The following MYO1E variants were observed in gnomAD, a reference collection of about 807,000 sequenced individuals.
The protein encoded by MYO1E is unconventional myosin-Ie.
MYO1E carries 68 observed loss-of-function variants against 151.1 expected under a neutral mutation model. The observed-to-expected ratio is 0.45, with a 90% CI of 0.37 to 0.55. MYO1E has a LOEUF of 0.55. Among genes scored for constraint, MYO1E ranks in the 20% least tolerant of loss-of-function variants. MYO1E has a pLI of 0.00. For missense variants in MYO1E, 1,363 were observed against 1,389.3 expected (o/e 0.98, Z 0.30); for synonymous variants, 601 against 501.7 (o/e 1.20, Z -2.64).
chr15:59,331,541 A>G (rs1009569005), intron 1 of MYO1E, among the ~76,000 whole-genome samples: 14 of 152,340 alleles, frequency 9.2e-5, no homozygotes, highest in Middle Eastern at 3.4e-3. Flanking sequence ...CTCCTCTCCT[A>G]GAGATCGCAA....
intron 23 of MYO1E, among the ~76,000 whole-genome samples, chr15:59,162,659 G>GAAAAAAAAA (rs56116339): frequency 1.2e-4 from 14 of 120,860 alleles, no homozygotes; most frequent in Non-Finnish European, 1.9e-4. Flanking sequence ...AAAAAAAAAA[G>GAAAAAAAAA]AAAAAAAAAA....
At chr15:59,210,667 T>C in intron 12 of MYO1E, 67 bp from the exon 13 acceptor site, 1 of 1,097,796 alleles carries the variant, frequency 9.1e-7, no homozygotes, top group East Asian at 2.4e-5. Context: ...GGACAGACCC[T>C]GAATGGACAA....
rs550524838 is a variant in MYO1E, at chr15:59,214,306, G to A, written c.1197C>T (p.Gly399=). ...IYGFEIFQKN[G]FEQFCINFVN... is the part of the protein sequence containing the mutation. ...CAAAATTGATACAAAACTGTTCAAA[G>A]CCATTTTTCTGGAAAAAAAAAGTTA... The change falls in exon 12 of 28, where the codon GGC becomes GGT. Residue 399 remains glycine, a synonymous_variant. Coordinates refer to ENST00000288235, the MANE Select transcript of MYO1E (RefSeq NM_004998.4). 13 of 1,609,448 alleles carry A rather than the reference G, an allele frequency of 8.1e-6. No homozygotes were observed. The African/African-American group carries it at 1.5e-4, about 18-fold the overall frequency.
chr15:59,268,716 T>G (rs1280812729), intron 2 of MYO1E, among the ~76,000 whole-genome samples: 2 of 135,592 alleles, frequency 1.5e-5, no homozygotes, highest in Non-Finnish European at 3.1e-5. Context: ...TGGGTGACTT[T>G]GGTATTTTTT....
intron 19 of MYO1E, among the ~76,000 whole-genome samples, chr15:59,177,167 CACA>C (rs2079630130): frequency 1.3e-5 from 2 of 152,142 alleles, no homozygotes; most frequent in Admixed American, 1.3e-4. Context: ...TGGCGAATGA[CACA>C]ACATTTTCAC....
chr15:59,365,301 T>C (rs977576287), intron 1 of MYO1E, among the ~76,000 whole-genome samples: 5 of 152,074 alleles, frequency 3.3e-5, no homozygotes, highest in Non-Finnish European at 7.4e-5. Context: ...TTACGGGCGT[T>C]AGCCACCGCG....
At chr15:59,220,868 T>C (rs1477022183) in intron 9 of MYO1E, among the ~76,000 whole-genome samples, 1 of 42,270 alleles carries the variant, frequency 2.4e-5, no homozygotes, top group Non-Finnish European at 1.4e-4. Flanking sequence ...GGCGGGAGGA[T>C]GACTTAAGGC....
chr15:59,264,441 AAC>A (rs2080241669), intron 2 of MYO1E, among the ~76,000 whole-genome samples: 1 of 152,368 alleles, frequency 6.6e-6, no homozygotes, highest in African/African-American at 2.4e-5. Flanking sequence ...AGCAAATAAA[AAC>A]ACAGAAAACT....
chr15:59,334,074 C>A (rs1005684731), intron 1 of MYO1E, among the ~76,000 whole-genome samples: 1 of 152,108 alleles, frequency 6.6e-6, no homozygotes, highest in Non-Finnish European at 1.5e-5. Flanking sequence ...GTGGAAGGAT[C>A]GCTTGAGACC....
rs889033258 is a variant in MYO1E, at chr15:59,217,226, T to C, written c.1107+665A>G. Among the ~76,000 whole-genome samples, 3 of 152,300 alleles carry C rather than the reference T, an allele frequency of 2.0e-5. No individual in the cohort carries two copies. In the East Asian group the frequency reaches 5.8e-4, roughly 29 times the overall value. On this transcript the variant is annotated intron_variant, in intron 10 of 27. Transcript: ENST00000288235. The stretch of plus-strand genomic sequence containing the variant: ...TGGTTTCAAGCCGCTAGGTTTTGGG[T>C]TAATTTGTAACATAGAAATATGTGA...
intron 1 of MYO1E, among the ~76,000 whole-genome samples, chr15:59,325,225 A>C (rs554597002): frequency 1.2e-4 from 18 of 152,128 alleles, no homozygotes; most frequent in Admixed American, 1.2e-3. Context: ...TAGTAGAGAG[A>C]GGGTTTCACC....
intron 1 of MYO1E, among the ~76,000 whole-genome samples, chr15:59,285,111 C>A (rs2080379382): frequency 6.6e-6 from 1 of 152,166 alleles, no homozygotes; most frequent in African/African-American, 2.4e-5. Flanking sequence ...AGGAATGTAA[C>A]TTTTCTTCCT....
intron 1 of MYO1E, among the ~76,000 whole-genome samples, chr15:59,331,094 T>C (rs1596422128): frequency 6.6e-6 from 1 of 152,204 alleles, no homozygotes; most frequent in East Asian, 1.9e-4. Context: ...AACCAAGTTT[T>C]ATTAGAAGAC....
At chr15:59,237,534 C>T (rs1351280922) in intron 4 of MYO1E, among the ~76,000 whole-genome samples, 1 of 152,108 alleles carries the variant, frequency 6.6e-6, no homozygotes, top group Non-Finnish European at 1.5e-5. Context: ...CTATTGGTAC[C>T]CTTTGTGTTA....
chr15:59,369,122 A>C (rs74458687), intron 1 of MYO1E, among the ~76,000 whole-genome samples: 158 of 152,366 alleles, frequency 1.0e-3, no homozygotes, highest in African/African-American at 3.6e-3. Context: ...CCTTCCCAGG[A>C]AACATTTGAA....
intron 9 of MYO1E, among the ~76,000 whole-genome samples, chr15:59,220,222 G>C (rs941162422): frequency 6.6e-6 from 1 of 152,220 alleles, no homozygotes; most frequent in African/African-American, 2.4e-5. Flanking sequence ...GCCCAGGCAG[G>C]CATATCATCT....
intron 1 of MYO1E, among the ~76,000 whole-genome samples, chr15:59,288,325 G>A (rs2080399301): frequency 6.6e-6 from 1 of 152,080 alleles, no homozygotes; most frequent in Non-Finnish European, 1.5e-5. Context: ...ACAGGTGTGT[G>A]CCACCATGTC....
chr15:59,292,327 G>C (rs1178276071), intron 1 of MYO1E, among the ~76,000 whole-genome samples: 1 of 152,194 alleles, frequency 6.6e-6, no homozygotes, highest in African/African-American at 2.4e-5. Context: ...TCCTACATGT[G>C]TTTCTACAGC....
At chr15:59,252,261 G>GT (rs1365211158) in intron 4 of MYO1E, among the ~76,000 whole-genome samples, 5 of 152,102 alleles carry the variant, frequency 3.3e-5, no homozygotes, top group African/African-American at 9.7e-5. Flanking sequence ...TAGTTTAGTG[G>GT]TCTCTTAATG....
Sources: allele counts gnomAD v4.1 joint callset (sites outside exome capture counted in the v4.1 genomes callset), GRCh38; gene constraint gnomAD v4.1.1; transcripts MANE v1.5; gene names NCBI Gene and HGNC (gene_info 2026-07-23, HGNC 2026-07-21).